Variants in WWP2 observed in about 807,000 individuals in gnomAD.
The protein encoded by WWP2 is WW domain containing E3 ubiquitin protein ligase 2.
In WWP2, 57 loss-of-function variants were observed where a neutral mutation model predicts 121.0. The observed-to-expected ratio is 0.47, with a 90% CI of 0.38 to 0.59. The LOEUF (loss-of-function observed/expected upper bound fraction) is 0.59. Among genes scored for constraint, WWP2 ranks in the 20% least tolerant of loss-of-function variants. The pLI is 0.00. For missense variants in WWP2, 962 were observed against 1,158.9 expected (o/e 0.83, Z 2.47); for synonymous variants, 449 against 441.3 (o/e 1.02, Z -0.22).
intron 6 of WWP2, among the ~76,000 whole-genome samples, chr16:69,869,638 C>T (rs1009537645): frequency 2.0e-5 from 3 of 152,110 alleles, no homozygotes; most frequent in Admixed American, 2.0e-4. Flanking sequence ...AGCCACTGCA[C>T]CCAGCCAAAA....
At chr16:69,839,282 G>A (rs1005220013) in intron 4 of WWP2, among the ~76,000 whole-genome samples, 2 of 152,194 alleles carry the variant, frequency 1.3e-5, no homozygotes, top group African/African-American at 4.8e-5. Context: ...TGAACTGAAG[G>A]CCATAGCTCC....
At chr16:69,805,185 G>T (rs532506726) in intron 4 of WWP2, among the ~76,000 whole-genome samples, 1 of 151,852 alleles carries the variant, frequency 6.6e-6, no homozygotes, top group African/African-American at 2.4e-5. Flanking sequence ...GATTACAGGC[G>T]CCCAACACCA....
chr16:69,917,633 C>T, intron 9 of WWP2, 76 bp from the exon 10 acceptor site: 7 of 1,541,196 alleles, frequency 4.5e-6, no homozygotes, highest in Admixed American at 3.5e-5. Context: ...CTGTGCTAGG[C>T]ATCCTGAGAC....
intron 4 of WWP2, among the ~76,000 whole-genome samples, chr16:69,812,001 T>TAACA (rs1462337199): frequency 6.6e-6 from 1 of 152,142 alleles, no homozygotes; most frequent in Non-Finnish European, 1.5e-5. Flanking sequence ...TTTTGCAGTG[T>TAACA]TGTTAATCTA....
intron 4 of WWP2, among the ~76,000 whole-genome samples, chr16:69,821,873 GT>G (rs997320235): frequency 1.4e-5 from 2 of 145,342 alleles, no homozygotes; most frequent in Non-Finnish European, 1.5e-5. Flanking sequence ...TCTTTGTTTT[GT>G]TTTTTTTTTA....
intron 16 of WWP2, chr16:69,933,021 C>A (rs554744166): frequency 4.2e-6 from 2 of 476,782 alleles, no homozygotes; most frequent in Non-Finnish European, 8.7e-6. Context: ...TTCCTTTTTT[C>A]CGTGGTGACC....
chr16:69,899,278 G>A (rs1192358276), intron 8 of WWP2, among the ~76,000 whole-genome samples: 1 of 152,094 alleles, frequency 6.6e-6, no homozygotes, highest in African/African-American at 2.4e-5. Flanking sequence ...GGGAGGCTTA[G>A]GCAGGCAGAT....
chr16:69,816,641 G>A (rs920575323), intron 4 of WWP2, among the ~76,000 whole-genome samples: 1 of 151,850 alleles, frequency 6.6e-6, no homozygotes, highest in African/African-American at 2.4e-5. Context: ...AATATTCTGA[G>A]TGCTTCGTAT....
intron 6 of WWP2, among the ~76,000 whole-genome samples, chr16:69,861,642 C>G (rs1032365284): frequency 9.5e-6 from 1 of 105,524 alleles, no homozygotes; most frequent in Non-Finnish European, 1.8e-5. Flanking sequence ...TACCCGCCCT[C>G]TCCTTTTTTT....
At chr16:69,936,873 G>A (rs767743806) in intron 19 of WWP2, 20 of 520,866 alleles carry the variant, frequency 3.8e-5, no homozygotes, top group Non-Finnish European at 5.8e-5. Flanking sequence ...CTGAGGTTCA[G>A]TCGGCGCTGG....
chr16:69,912,955 AATATATATATATAT>A (rs1567427338), intron 9 of WWP2, among the ~76,000 whole-genome samples: 3 of 8,348 alleles, frequency 3.6e-4, no homozygotes, highest in Admixed American at 2.2e-3. Flanking sequence ...AAAAAAAAAA[AATATATATATATAT>A]ATATATATAT....
At chr16:69,919,326 T>A (rs955769063) in intron 10 of WWP2, among the ~76,000 whole-genome samples, 1 of 151,924 alleles carries the variant, frequency 6.6e-6, no homozygotes, top group Non-Finnish European at 1.5e-5. Flanking sequence ...CCACCGTGCC[T>A]GGCTAATTTT....
At chr16:69,897,071 A>G (rs1274737452) in intron 8 of WWP2, among the ~76,000 whole-genome samples, 1 of 151,496 alleles carries the variant, frequency 6.6e-6, no homozygotes, top group Non-Finnish European at 1.5e-5. Flanking sequence ...TCTGTGCTGC[A>G]TTTGCTACAG....
Position 69,937,715 on chromosome 16 carries a change from T to C in WWP2, c.2343+63T>C. The C allele has an allele frequency of 4.6e-6, 7 of 1,537,812 alleles. No homozygotes were observed. Among genetic ancestry groups the C allele is most frequent in the Non-Finnish European group, 6.3e-6 (7 of 1,116,940 alleles). On this transcript the variant is annotated intron_variant, in intron 21 of 23. Coordinates refer to ENST00000359154, the MANE Select transcript of WWP2 (RefSeq NM_001270454.2). This position sits in a 1 kb window ranked among gnomAD's most constrained non-coding sequence, Gnocchi z 6.6. ...GCCATCAACCAAAGGAAACGGGTCCTGAGGAGGCCTCACGCGCAAGGACCT... is the reference window on the plus strand; with the variant it reads ...GCCATCAACCAAAGGAAACGGGTCCCGAGGAGGCCTCACGCGCAAGGACCT...
intron 1 of WWP2, among the ~76,000 whole-genome samples, chr16:69,768,026 TG>T (rs755865292): frequency 1.2e-4 from 19 of 152,038 alleles, no homozygotes; most frequent in Non-Finnish European, 2.6e-4. Context: ...TTTGTAGAGA[TG>T]GGGTCCCACT....
At chr16:69,881,607 G>A (rs2057831268) in intron 7 of WWP2, among the ~76,000 whole-genome samples, 1 of 152,208 alleles carries the variant, frequency 6.6e-6, no homozygotes, top group Admixed American at 6.5e-5. Context: ...ACTGGGTGAA[G>A]ACCATACTAT....
intron 1 of WWP2, among the ~76,000 whole-genome samples, chr16:69,773,345 A>AT (rs1366133649): frequency 6.6e-6 from 1 of 151,640 alleles, no homozygotes; most frequent in Admixed American, 6.6e-5. Flanking sequence ...CACCCAGATA[A>AT]TTTTTTTATT....
intron 2 of WWP2, among the ~76,000 whole-genome samples, chr16:69,790,394 G>A (rs141167657): frequency 0.011 from 1,718 of 152,258 alleles, 31 homozygotes; most frequent in African/African-American, 0.04. Flanking sequence ...GTGGAAGTGG[G>A]TCATCATAAA....
intron 1 of WWP2, among the ~76,000 whole-genome samples, chr16:69,773,634 C>T (rs768460930): frequency 1.6e-4 from 25 of 152,014 alleles, no homozygotes; most frequent in Non-Finnish European, 2.8e-4. Context: ...GCATGCACCA[C>T]CATGTCTGAC....
Sources: allele counts gnomAD v4.1 joint callset (sites outside exome capture counted in the v4.1 genomes callset), GRCh38; gene constraint gnomAD v4.1.1; non-coding constraint Gnocchi (gnomAD v3.1); transcripts MANE v1.5; gene names NCBI Gene and HGNC (gene_info 2026-07-23, HGNC 2026-07-21).